The following TNN variants were observed in gnomAD, a reference collection of about 807,000 sequenced individuals.
TNN encodes tenascin N, also known as tenascin-N.
TNN carries 122 observed loss-of-function variants against 134.4 expected under a neutral mutation model. The observed-to-expected ratio is 0.91, with a 90% CI of 0.78 to 1.06. TNN has a LOEUF of 1.06. TNN is among the 50% of genes least tolerant of loss of function. TNN has a pLI of 0.00. For synonymous variants in TNN, 710 were observed against 670.3 expected, an observed-to-expected ratio of 1.06 and a Z score of -0.91; for missense variants, 1,739 against 1,699.4, an observed-to-expected ratio of 1.02 and a Z score of -0.41.
At chr1:175,112,124 G>C in intron 9 of TNN, among the ~76,000 whole-genome samples, 1 of 151,730 alleles carries the variant, frequency 6.6e-6, no homozygotes, top group East Asian at 1.9e-4. Context: ...GTTAAATATG[G>C]GTTTGTCTTA....
chr1:175,125,755 TTC>T (rs1277752415), intron 12 of TNN, among the ~76,000 whole-genome samples: 7 of 95,344 alleles, frequency 7.3e-5, no homozygotes, highest in Non-Finnish European at 1.3e-4. Flanking sequence ...CTTTCTTTCT[TTC>T]TCTCTCTCTC....
chr1:175,100,286 A>G (rs1402346639), intron 9 of TNN, among the ~76,000 whole-genome samples: 2 of 152,136 alleles, frequency 1.3e-5, no homozygotes, highest in East Asian at 1.9e-4. Flanking sequence ...CCCCTATCCC[A>G]CACTGAGTTG....
At chr1:175,127,609 G>A in intron 13 of TNN, among the ~76,000 whole-genome samples, 1 of 152,170 alleles carries the variant, frequency 6.6e-6, no homozygotes. Context: ...GAAGTTTATT[G>A]AAATATCAAC....
intron 11 of TNN, 122 bp from the exon 12 acceptor site, chr1:175,123,278 T>G: frequency 1.6e-6 from 2 of 1,214,798 alleles, no homozygotes; most frequent in Non-Finnish European, 2.3e-6. Flanking sequence ...TTGACTCGTG[T>G]TTTAAGTGGA....
At position 175,082,420 on chromosome 1, in the gene TNN, C is replaced by G. The variant is rs1229694735; in HGVS notation, c.1049-1330C>G. On this transcript the variant is annotated intron_variant, in intron 4 of 18. Coordinates refer to ENST00000239462, the MANE Select transcript of TNN (RefSeq NM_022093.2). ...CGTGAACATTCTCATTAAGTCCTTGCTTTTTCATTTGTGATTCCCTCCCAA... is the reference window on the plus strand; with the variant it reads ...CGTGAACATTCTCATTAAGTCCTTGGTTTTTCATTTGTGATTCCCTCCCAA... Among the ~76,000 whole-genome samples, 3 of 152,184 alleles carry G rather than the reference C, an allele frequency of 2.0e-5. No individual in the cohort carries two copies. The East Asian group carries it at 5.8e-4, about 29-fold the overall frequency.
intron 4 of TNN, 113 bp downstream of exon 4, chr1:175,080,539 C>T: frequency 7.9e-7 from 1 of 1,267,284 alleles, no homozygotes; most frequent in Non-Finnish European, 1.1e-6. Context: ...AAAAACACAC[C>T]TGCCACAATC....
At chr1:175,074,341 C>T (rs924785341) in intron 1 of TNN, among the ~76,000 whole-genome samples, 3 of 152,062 alleles carry the variant, frequency 2.0e-5, no homozygotes, top group Non-Finnish European at 4.4e-5. Flanking sequence ...AAAAATTAGC[C>T]AGGCACTGTG....
intron 1 of TNN, among the ~76,000 whole-genome samples, chr1:175,072,842 T>TA (rs1031160874): frequency 3.8e-4 from 58 of 151,742 alleles, no homozygotes; most frequent in African/African-American, 1.3e-3. Context: ...CTTGTGGGAG[T>TA]TCTCATATTC....
chr1:175,068,167 A>G (rs922972926), intron 1 of TNN, among the ~76,000 whole-genome samples: 1 of 152,192 alleles, frequency 6.6e-6, no homozygotes, highest in Non-Finnish European at 1.5e-5. Flanking sequence ...GGCTAAGCAT[A>G]GTTATCCTCT....
At position 175,071,631 on chromosome 1, in the gene TNN, C is replaced by G. The variant is rs921446580; in HGVS notation, c.-36+3696C>G. Among the ~76,000 whole-genome samples the G allele has an allele frequency of 9.2e-5, 14 of 152,212 alleles. No individual in the cohort carries two copies. The East Asian group carries it at 1.7e-3, about 19-fold the overall frequency. On this transcript the variant is annotated intron_variant, in intron 1 of 18. Transcript: ENST00000239462. ...TGTTTTTGTTTTTGTTTTGTATATACAGGACATATAACAGACAGATGAAGA... is the reference window on the plus strand; with the variant it reads ...TGTTTTTGTTTTTGTTTTGTATATAGAGGACATATAACAGACAGATGAAGA...
At position 175,077,837 on chromosome 1, in the gene TNN, C is replaced by G; in HGVS notation, c.409+10C>G. ...TGCCAGGGAGTCACTGGTGAGCTCA[C>G]CACCTGGTATTCATTCAACAAACAT... is the stretch of plus-strand genomic sequence containing the variant. On this transcript the variant is annotated intron_variant, in intron 2 of 18. Transcript: ENST00000239462. 1.2e-6 allele frequency: 2 copies of G among 1,604,026 alleles called. No individual in the cohort carries two copies.
intron 1 of TNN, among the ~76,000 whole-genome samples, chr1:175,069,097 AG>A (rs1191733814): frequency 2.0e-5 from 3 of 152,172 alleles, no homozygotes; most frequent in Admixed American, 6.5e-5. Context: ...ATTAAAAAAA[AG>A]AACAAGTTCC....
In TNN at chr1:175,106,738, T is replaced by C. The variant is rs1674864765; in HGVS notation, c.2119+8143T>C. On this transcript the variant is annotated intron_variant, in intron 9 of 18. Coordinates refer to ENST00000239462, the MANE Select transcript of TNN (RefSeq NM_022093.2). ...CATGGCCGCAGGGTCAACCAACATG[T>C]TGTCGGGACCCCGGAGATGCATGGC... Among the ~76,000 whole-genome samples the C allele has an allele frequency of 2.1e-5, 3 of 145,660 alleles. 1 individual carries two copies. The highest frequency in any genetic ancestry group is 7.4e-5 in the African/African-American group (3 of 40,456).
chr1:175,125,703 C>CTTTCCT (rs66718246), intron 12 of TNN, among the ~76,000 whole-genome samples: 11 of 66,390 alleles, frequency 1.7e-4, no homozygotes, highest in African/African-American at 5.8e-4. Context: ...TCTTTTTTCT[C>CTTTCCT]TCTTTCTTTC....
chr1:175,078,452 C>T (rs903578634), intron 2 of TNN, among the ~76,000 whole-genome samples: 1 of 152,080 alleles, frequency 6.6e-6, no homozygotes, highest in Non-Finnish European at 1.5e-5. Flanking sequence ...AACGCAACCC[C>T]GTCACTTTTA....
In TNN at chr1:175,139,329, CT is replaced by C. The variant is rs984006467; in HGVS notation, c.3595+2344del. Among the ~76,000 whole-genome samples, 15 of 152,212 alleles carry C rather than the reference CT, an allele frequency of 9.9e-5. 2 individuals are homozygous for C. Among genetic ancestry groups the C allele is most frequent in the Non-Finnish European group, 4.4e-5 (3 of 67,986 alleles). The stretch of plus-strand genomic sequence containing the variant: ...TTGTGCAGCTGTACAAACATATTTT[CT>C]TTCTTTATATCCATATTCTGTAAGT... On this transcript the variant is annotated intron_variant, in intron 17 of 18. Coordinates refer to ENST00000239462, the MANE Select transcript of TNN (RefSeq NM_022093.2).
At position 175,144,446 on chromosome 1, in the gene TNN, A is replaced by G. The variant is rs1439152988; in HGVS notation, c.3655A>G (p.Ile1219Val). The G allele has an allele frequency of 1.2e-6, 2 of 1,614,218 alleles. No individual in the cohort carries two copies. The highest frequency in any genetic ancestry group is 3.3e-5 in the Admixed American group (2 of 60,030). The change falls in exon 18 of 19, where the codon ATC becomes GTC. Residue 1219 changes from isoleucine to valine, a missense_variant. Physicochemically the swap from Ile to Val is conservative, Grantham distance 29. Coordinates refer to ENST00000239462, the MANE Select transcript of TNN (RefSeq NM_022093.2). ...KFTTFDRDNDIALSNCALTHH... is the reference protein window; with the variant it reads ...KFTTFDRDNDVALSNCALTHH... ...TACAACTTTTGACAGAGACAATGAT[A>G]TCGCACTCAGCAACTGTGCCCTGAC...
rs1674509381 is a variant in TNN at position 175,094,047 on chromosome 1, T to A, written c.1382T>A (p.Val461Asp). 6.2e-7 allele frequency: 1 copy of A among 1,613,312 alleles called. No homozygotes were observed. Among genetic ancestry groups the A allele is most frequent in the East Asian group, 2.2e-5 (1 of 44,866 alleles). ...TDRVTEDTAT[V>D]SWDPVQAVID... ...CGAGTGACTGAAGACACAGCAACTG[T>A]CTCCTGGGACCCAGTGCAGGCTGTC... Residue 461 changes from valine to aspartate, a missense_variant, in exon 7 of 19, where the codon GTC (valine) becomes GAC (aspartate). By Grantham distance (152) the Val-to-Asp change is radical. Coordinates refer to ENST00000239462, the MANE Select transcript of TNN (RefSeq NM_022093.2).
Position 175,115,445 on chromosome 1 carries a change from G to A in TNN, c.2120-1494G>A, listed in dbSNP as rs144652522. Among the ~76,000 whole-genome samples, 96 of 152,294 alleles carry A rather than the reference G, an allele frequency of 6.3e-4. 2 individuals are homozygous for A. In the East Asian group the frequency reaches 9.7e-3, roughly 15 times the overall value. ...AAGTAATGATTCTCCACGAAAGAGC[G>A]TGCAGTTTCAGCTCTGGAATGAGTG... On this transcript the variant is annotated intron_variant, in intron 9 of 18. Transcript: ENST00000239462.
Sources: allele counts gnomAD v4.1 joint callset (sites outside exome capture counted in the v4.1 genomes callset), GRCh38; gene constraint gnomAD v4.1.1; transcripts MANE v1.5; gene names NCBI Gene and HGNC (gene_info 2026-07-23, HGNC 2026-07-21).